Variants in DENND5B observed in about 807,000 individuals in gnomAD.
The protein encoded by DENND5B is DENN domain-containing protein 5B.
In DENND5B, 34 loss-of-function variants were observed where a neutral mutation model predicts 140.6. The observed-to-expected ratio is 0.24, with a 90% confidence interval of 0.18 to 0.32. The LOEUF (loss-of-function observed/expected upper bound fraction) is 0.32. Among genes scored for constraint, DENND5B ranks in the 10% least tolerant of loss-of-function variants. The pLI is 1.00. For synonymous variants in DENND5B, 551 were observed against 562.1 expected (o/e 0.98, Z 0.28); for missense variants, 1,142 against 1,560.2 (o/e 0.73, Z 4.52).
At chr12:31,504,123 C>T (rs567741395) in intron 1 of DENND5B, among the ~76,000 whole-genome samples, 6 of 152,184 alleles carry the variant, frequency 3.9e-5, no homozygotes, top group Admixed American at 1.3e-4. Flanking sequence ...GATTCAAGTG[C>T]GCTATAACGT....
At chr12:31,548,512 A>T (rs1948937813) in intron 1 of DENND5B, among the ~76,000 whole-genome samples, 1 of 152,220 alleles carries the variant, frequency 6.6e-6, no homozygotes, top group Non-Finnish European at 1.5e-5. Flanking sequence ...TAAAAACTTG[A>T]CTACATCACA....
At chr12:31,426,249 T>C in intron 9 of DENND5B, 44 bp downstream of exon 9, 1 of 1,570,310 alleles carries the variant, frequency 6.4e-7, no homozygotes, top group Non-Finnish European at 8.6e-7. Flanking sequence ...ACACATGGTG[T>C]AAACATGAAT....
At chr12:31,407,920 C>T (rs1190039871) in intron 14 of DENND5B, among the ~76,000 whole-genome samples, 3 of 152,088 alleles carry the variant, frequency 2.0e-5, no homozygotes, top group African/African-American at 7.2e-5. Context: ...AAAAATTCTC[C>T]AAAGTAAGGA....
intron 3 of DENND5B, among the ~76,000 whole-genome samples, chr12:31,478,448 TA>T (rs1945920815): frequency 6.6e-6 from 1 of 152,238 alleles, no homozygotes; most frequent in Admixed American, 6.5e-5. Context: ...TTCATGCCTG[TA>T]ATTCCAGCAC....
chr12:31,473,675 A>G (rs949363823), intron 3 of DENND5B, among the ~76,000 whole-genome samples: 16 of 152,188 alleles, frequency 1.1e-4, no homozygotes, highest in Non-Finnish European at 7.3e-5. Context: ...TTGCTATTGG[A>G]TATTGATTTA....
intron 1 of DENND5B, among the ~76,000 whole-genome samples, chr12:31,553,314 T>C (rs1949143141): frequency 6.6e-6 from 1 of 152,238 alleles, no homozygotes; most frequent in Non-Finnish European, 1.5e-5. Context: ...CTTCATTTCA[T>C]TATTTACCCA....
intron 14 of DENND5B, among the ~76,000 whole-genome samples, chr12:31,406,338 G>A (rs982368624): frequency 1.3e-5 from 2 of 152,100 alleles, no homozygotes; most frequent in African/African-American, 4.8e-5. Flanking sequence ...CTTAGATGAG[G>A]AAAACAAATG....
At chr12:31,565,353 C>T (rs1033013199) in intron 1 of DENND5B, among the ~76,000 whole-genome samples, 1 of 152,138 alleles carries the variant, frequency 6.6e-6, no homozygotes, top group Non-Finnish European at 1.5e-5. Flanking sequence ...GAGATCATCT[C>T]ACAAAAAAAC....
intron 1 of DENND5B, among the ~76,000 whole-genome samples, chr12:31,536,828 A>G (rs1948512459): frequency 6.6e-6 from 1 of 152,196 alleles, no homozygotes; most frequent in Non-Finnish European, 1.5e-5. Flanking sequence ...GAATCCTAAA[A>G]GCAGCAACAG....
chr12:31,401,985 A>C (rs1288042062), intron 15 of DENND5B, among the ~76,000 whole-genome samples: 1 of 151,594 alleles, frequency 6.6e-6, no homozygotes, highest in Non-Finnish European at 1.5e-5. Flanking sequence ...ACCAGTAAGC[A>C]GATGCTTGAA....
intron 1 of DENND5B, among the ~76,000 whole-genome samples, chr12:31,538,957 G>C (rs1339892800): frequency 6.9e-6 from 1 of 144,288 alleles, no homozygotes; most frequent in African/African-American, 2.8e-5. Flanking sequence ...TGAAACAAAA[G>C]GTTTTTTTTT....
intron 1 of DENND5B, chr12:31,589,920 C>G (rs915000018): frequency 2.6e-5 from 4 of 152,450 alleles, no homozygotes; most frequent in Admixed American, 2.6e-4. Context: ...CCAGCACAGC[C>G]CCGCACTGCG....
intron 15 of DENND5B, among the ~76,000 whole-genome samples, chr12:31,401,395 G>C (rs1271940888): frequency 6.6e-6 from 1 of 151,984 alleles, no homozygotes; most frequent in African/African-American, 2.4e-5. Flanking sequence ...GCATGGATAA[G>C]GCCAAACTGG....
At chr12:31,552,903 G>A (rs1201497339) in intron 1 of DENND5B, among the ~76,000 whole-genome samples, 1 of 152,022 alleles carries the variant, frequency 6.6e-6, no homozygotes, top group African/African-American at 2.4e-5. Context: ...CTGTGGGATC[G>A]GTGGTGATAT....
chr12:31,543,652 C>G (rs1469797005), intron 1 of DENND5B, among the ~76,000 whole-genome samples: 1 of 152,064 alleles, frequency 6.6e-6, no homozygotes, highest in African/African-American at 2.4e-5. Context: ...AAAGAGAAAG[C>G]CCACAGACAC....
In DENND5B at chr12:31,387,210, G is replaced by C. The variant is rs1231674950; in HGVS notation, c.*393C>G. 6.4e-6 allele frequency: 1 copy of C among 156,180 alleles called. No individual in the cohort carries two copies. Among genetic ancestry groups the C allele is most frequent in the African/African-American group, 2.4e-5 (1 of 41,382 alleles). 9.7% of individuals were successfully genotyped at this position (156,180 alleles called of 1,614,324 possible). ...TTGTGATACCTGGAGAAAAAAAAAA[G>C]CCCGACTGGGTTGCACTATATTTAC... On this transcript the variant is annotated 3_prime_UTR_variant, in exon 21 of 21. Coordinates refer to ENST00000389082, the MANE Select transcript of DENND5B (RefSeq NM_144973.4).
chr12:31,575,510 T>C (rs924075899), intron 1 of DENND5B, among the ~76,000 whole-genome samples: 1 of 152,158 alleles, frequency 6.6e-6, no homozygotes, highest in Non-Finnish European at 1.5e-5. Flanking sequence ...CAATAAAAAA[T>C]TGATATAAAT....
chr12:31,495,375 A>ATTTCTTTTT (rs1555163257), intron 2 of DENND5B, among the ~76,000 whole-genome samples: 4 of 47,812 alleles, frequency 8.4e-5, no homozygotes, highest in East Asian at 1.0e-3. Context: ...AGAGTATCAC[A>ATTTCTTTTT]TTTCTTTTTT....
chr12:31,518,521 G>A (rs1947761504), intron 1 of DENND5B, among the ~76,000 whole-genome samples: 1 of 151,736 alleles, frequency 6.6e-6, no homozygotes, highest in African/African-American at 2.4e-5. Context: ...ATAAAAATGG[G>A]CCAACAGACT....
Sources: allele counts gnomAD v4.1 joint callset (sites outside exome capture counted in the v4.1 genomes callset), GRCh38; gene constraint gnomAD v4.1.1; transcripts MANE v1.5; gene names NCBI Gene and HGNC (gene_info 2026-07-23, HGNC 2026-07-21).